Variants in DLGAP2 observed in about 807,000 individuals in gnomAD.
DLGAP2 encodes the protein disks large-associated protein 2.
A neutral mutation model predicts 100.3 loss-of-function variants in DLGAP2; 26 were observed. The ratio of observed to expected loss-of-function variants is 0.26; its 90% CI spans 0.19 to 0.36. DLGAP2 has a LOEUF of 0.36. DLGAP2 is among the 10% of genes least tolerant of loss of function. DLGAP2 has a pLI of 1.00. For missense variants in DLGAP2, 1,858 were observed against 1,453.2 expected, an observed-to-expected ratio of 1.28 and a Z score of -4.53; for synonymous variants, 886 against 630.1, an observed-to-expected ratio of 1.41 and a Z score of -6.08.
rs112669595 is a variant in DLGAP2 at position 1,409,165 on chromosome 8, C to G, written c.107-92201C>G. On this transcript the variant is annotated intron_variant, in intron 3 of 14. Coordinates refer to ENST00000637795, the MANE Select transcript of DLGAP2 (RefSeq NM_001346810.2). ...CCCTTGGACCACTGCCCAGTTCCTTCCTCACCATAGCAGGCGCCTGGCTCC... is the reference window on the plus strand; with the variant it reads ...CCCTTGGACCACTGCCCAGTTCCTTGCTCACCATAGCAGGCGCCTGGCTCC... 5.0e-4 allele frequency among the ~76,000 whole-genome samples: 43 copies of G among 86,052 alleles called. 1 individual carries two copies. The highest frequency in any genetic ancestry group is 1.4e-3 in the East Asian group (3 of 2,170). 56.5% of individuals were successfully genotyped at this position (86,052 alleles called of 152,430 possible).
chr8:1,537,057 A>G (rs1164594145), intron 4 of DLGAP2, among the ~76,000 whole-genome samples: 2 of 146,400 alleles, frequency 1.4e-5, no homozygotes, highest in African/African-American at 5.1e-5. Context: ...CCAAGGCAGC[A>G]CCACTGGTAT....
intron 1 of DLGAP2, among the ~76,000 whole-genome samples, chr8:885,678 G>C (rs28892957): frequency 0.31 from 47,514 of 152,126 alleles, 7,819 homozygotes; most frequent in Non-Finnish European, 0.36. Flanking sequence ...AGTGATGAGA[G>C]AGGGCCTCCT....
intron 3 of DLGAP2, 24 bp downstream of exon 3, chr8:1,258,907 G>C: frequency 8.1e-7 from 1 of 1,231,768 alleles, no homozygotes; most frequent in Admixed American, 4.2e-5. Flanking sequence ...ATGCTGCCTG[G>C]GGTGGGCGGG....
intron 2 of DLGAP2, among the ~76,000 whole-genome samples, chr8:1,169,597 C>T (rs1231458011): frequency 6.6e-6 from 1 of 152,156 alleles, no homozygotes; most frequent in African/African-American, 2.4e-5. Context: ...AGGTCCTTCA[C>T]GTCCCTTGTA....
At chr8:808,002 C>A (rs1389015769) in intron 1 of DLGAP2, among the ~76,000 whole-genome samples, 10 of 152,176 alleles carry the variant, frequency 6.6e-5, no homozygotes, top group African/African-American at 2.2e-4. Flanking sequence ...GCAATTGCTA[C>A]GTGCAGGTCC....
intron 3 of DLGAP2, among the ~76,000 whole-genome samples, chr8:1,482,764 G>C (rs567737621): frequency 1.3e-5 from 2 of 152,258 alleles, no homozygotes; most frequent in African/African-American, 4.8e-5. Flanking sequence ...CCCAAACACA[G>C]AGTAGGAGCT....
At chr8:1,420,122 G>T (rs1216575910) in intron 3 of DLGAP2, among the ~76,000 whole-genome samples, 2 of 152,126 alleles carry the variant, frequency 1.3e-5, no homozygotes, top group Non-Finnish European at 2.9e-5. Flanking sequence ...GTCTGGGGTC[G>T]GGAGGGGCTG....
At chr8:1,635,539 T>C (rs1797746674) in intron 8 of DLGAP2, among the ~76,000 whole-genome samples, 1 of 152,202 alleles carries the variant, frequency 6.6e-6, no homozygotes, top group Non-Finnish European at 1.5e-5. Flanking sequence ...AGAGGTTATT[T>C]TGACAGATTG....
chr8:1,050,110 G>A (rs531273444), intron 2 of DLGAP2, among the ~76,000 whole-genome samples: 24 of 152,222 alleles, frequency 1.6e-4, no homozygotes, highest in African/African-American at 4.6e-4. Context: ...ATGTGTTCAC[G>A]GATATGCAGG....
In DLGAP2 at chr8:777,888, C is replaced by T. The variant is rs144139316; in HGVS notation, c.18+40063C>T. Among the ~76,000 whole-genome samples, 977 of 152,192 alleles carry T rather than the reference C, an allele frequency of 6.4e-3. 11 individuals carry two copies. The highest frequency in any genetic ancestry group is 0.022 in the African/African-American group (916 of 41,508). ...CGTCTCTGTGTTTCCTGAATCTGAA[C>T]GTCGGCCTGCCTTGCTAGATTGGGG... On this transcript the variant is annotated intron_variant, in intron 1 of 14. Coordinates refer to ENST00000637795, the MANE Select transcript of DLGAP2 (RefSeq NM_001346810.2).
At position 1,246,059 on chromosome 8, in the gene DLGAP2, G is replaced by T. The variant is rs112678368; in HGVS notation, c.74-12792G>T. Among the ~76,000 whole-genome samples the T allele has an allele frequency of 7.7e-3, 1,179 of 152,292 alleles. 17 individuals carry two copies. The highest frequency in any genetic ancestry group is 0.026 in the African/African-American group (1,097 of 41,558). ...TGTTCCTGCTATTTATGTACTATCAGTGTCTATATTTTAATACAGAGTAAG... is the reference window on the plus strand; with the variant it reads ...TGTTCCTGCTATTTATGTACTATCATTGTCTATATTTTAATACAGAGTAAG... On this transcript the variant is annotated intron_variant, in intron 2 of 14. Transcript: ENST00000637795.
intron 2 of DLGAP2, among the ~76,000 whole-genome samples, chr8:1,034,091 G>A (rs1312512774): frequency 3.5e-5 from 2 of 56,724 alleles, no homozygotes; most frequent in African/African-American, 7.6e-5. Flanking sequence ...CCGACCCCGC[G>A]TGTCACCGCG....
chr8:846,443 C>T (rs562383099), intron 1 of DLGAP2, among the ~76,000 whole-genome samples: 3 of 152,176 alleles, frequency 2.0e-5, no homozygotes, highest in African/African-American at 4.8e-5. Context: ...TTATATTCAT[C>T]CATGTTGCCC....
chr8:1,098,268 C>G (rs1005183546), intron 2 of DLGAP2, among the ~76,000 whole-genome samples: 1 of 152,208 alleles, frequency 6.6e-6, no homozygotes, highest in African/African-American at 2.4e-5. Context: ...AATTTGGAAA[C>G]TAACTTGGAA....
chr8:1,050,544 A>G (rs550478784), intron 2 of DLGAP2, among the ~76,000 whole-genome samples: 1 of 152,318 alleles, frequency 6.6e-6, no homozygotes, highest in Admixed American at 6.5e-5. Context: ...TGGGTTTATT[A>G]GGAAGTAACC....
chr8:1,442,687 T>G (rs1338655360), intron 3 of DLGAP2, among the ~76,000 whole-genome samples: 22 of 141,556 alleles, frequency 1.6e-4, no homozygotes, highest in African/African-American at 4.2e-4. Context: ...CAGGCTGCTG[T>G]GGGTTCATCC....
intron 2 of DLGAP2, among the ~76,000 whole-genome samples, chr8:971,861 G>C (rs566159431): frequency 6.6e-6 from 1 of 152,268 alleles, no homozygotes; most frequent in South Asian, 2.1e-4. Flanking sequence ...TACACAGGGG[G>C]AAGAAAGCTA....
intron 2 of DLGAP2, among the ~76,000 whole-genome samples, chr8:1,240,325 G>A (rs1467618575): frequency 7.0e-6 from 1 of 143,270 alleles, no homozygotes; most frequent in Non-Finnish European, 1.5e-5. Context: ...GCTGTGTCTA[G>A]TTCTCTCTCA....
At position 1,682,721 on chromosome 8, in the gene DLGAP2, C is replaced by G. The variant is rs554998311; in HGVS notation, c.2704+4092C>G. Among the ~76,000 whole-genome samples the G allele has an allele frequency of 2.6e-5, 4 of 151,484 alleles. No homozygotes were observed. The South Asian group carries it at 6.3e-4, about 24-fold the overall frequency. On this transcript the variant is annotated intron_variant, in intron 12 of 14. Coordinates refer to ENST00000637795, the MANE Select transcript of DLGAP2 (RefSeq NM_001346810.2). ...ACTCCTGGCCTCAAGTGATCTGCCC[C>G]CCTTGCCCTTGCAAAGTGCTAGGAT...
Sources: allele counts gnomAD v4.1 joint callset (sites outside exome capture counted in the v4.1 genomes callset), GRCh38; gene constraint gnomAD v4.1.1; transcripts MANE v1.5; gene names NCBI Gene and HGNC (gene_info 2026-07-23, HGNC 2026-07-21).